Variants in SEPTIN9 observed in about 807,000 individuals in gnomAD.
The protein encoded by SEPTIN9 is septin 9.
Under a neutral mutation model 56.6 loss-of-function variants are expected in SEPTIN9, and 13 were observed. That is an observed-to-expected ratio of 0.23 (90% CI 0.15 to 0.37). The LOEUF is 0.37. Among genes scored for constraint, SEPTIN9 ranks in the 10% least tolerant of loss-of-function variants. The pLI is 1.00. For missense variants in SEPTIN9, 650 were observed against 823.1 expected (o/e 0.79, Z 2.57); for synonymous variants, 332 against 334.1 (o/e 0.99, Z 0.07).
intron 2 of SEPTIN9, chr17:77,373,756 G>A: frequency 3.8e-6 from 4 of 1,052,838 alleles, no homozygotes; most frequent in Non-Finnish European, 5.1e-6. Flanking sequence ...CCCTGTTAGG[G>A]GCACCCGCGT....
At chr17:77,362,022 C>T (rs1024818681) in intron 2 of SEPTIN9, among the ~76,000 whole-genome samples, 4 of 152,204 alleles carry the variant, frequency 2.6e-5, no homozygotes, top group African/African-American at 9.6e-5. Context: ...GTTTCCTACC[C>T]TCAGTGTTGG....
rs766609199 is a variant in SEPTIN9 at position 77,402,417 on chromosome 17, G to A, written c.435G>A (p.Pro145=). ...TGTTGGGCCACAAGACGCCAGAACC[G>A]GCCCCTCGGAGGACGGAGATCACCA... ...AEVLGHKTPE[P]APRRTEITIV... The change falls in exon 3 of 12, where the codon CCG becomes CCA. Residue 145 remains proline, a synonymous_variant. Coordinates refer to ENST00000427177, the MANE Select transcript of SEPTIN9 (RefSeq NM_001113491.2). This position sits in a 1 kb window ranked among gnomAD's most constrained non-coding sequence, Gnocchi z 6.6. The A allele has an allele frequency of 9.3e-6, 15 of 1,610,862 alleles. No homozygotes were observed. The East Asian group carries it at 1.3e-4, about 14-fold the overall frequency.
intron 2 of SEPTIN9, among the ~76,000 whole-genome samples, chr17:77,333,037 G>C (rs73371438): frequency 0.039 from 5,897 of 152,272 alleles, 328 homozygotes; most frequent in East Asian, 0.28. Context: ...GAAACTGCCA[G>C]ATCTTTTCCC....
intron 3 of SEPTIN9, chr17:77,447,178 T>C (rs2037772890): frequency 6.0e-6 from 1 of 167,118 alleles, no homozygotes; most frequent in South Asian, 2.1e-4. Flanking sequence ...ATGAGTTGCT[T>C]ATTGGAAGGA....
intron 2 of SEPTIN9, among the ~76,000 whole-genome samples, chr17:77,398,509 A>C (rs146569181): frequency 1.3e-3 from 193 of 151,882 alleles, no homozygotes; most frequent in African/African-American, 4.6e-3. Flanking sequence ...GAGGAGGAGG[A>C]GGCGGTGGCA....
chr17:77,320,381 C>A, intron 2 of SEPTIN9: 1 of 1,585,580 alleles, frequency 6.3e-7, no homozygotes, highest in Non-Finnish European at 8.7e-7. Flanking sequence ...ATCGGCCGCC[C>A]CCCACTGCCC....
At position 77,313,214 on chromosome 17, in the gene SEPTIN9, G is replaced by A. The variant is rs936244402; in HGVS notation, c.76+6017G>A. 3.3e-5 allele frequency among the ~76,000 whole-genome samples: 5 copies of A among 152,230 alleles called. No individual in the cohort carries two copies. In the South Asian group the frequency reaches 6.2e-4, roughly 19 times the overall value. The stretch of plus-strand genomic sequence containing the variant: ...CCTCCCTCGCTCTGCAGGGGCAGTC[G>A]GGGGCCCCCTCTAGGAATGGAGCGC... On this transcript the variant is annotated intron_variant, in intron 2 of 11. Coordinates refer to ENST00000427177, the MANE Select transcript of SEPTIN9 (RefSeq NM_001113491.2). The surrounding 1 kb of genome is among the most constrained non-coding windows in gnomAD (Gnocchi z 4.5).
intron 3 of SEPTIN9, among the ~76,000 whole-genome samples, chr17:77,411,647 A>C (rs1389396223): frequency 6.6e-6 from 1 of 150,600 alleles, no homozygotes; most frequent in Non-Finnish European, 1.5e-5. Flanking sequence ...AGATCCGCCC[A>C]CCTCGGCCTC....
chr17:77,331,316 A>G (rs1189292748), intron 2 of SEPTIN9, among the ~76,000 whole-genome samples: 1 of 152,168 alleles, frequency 6.6e-6, no homozygotes, highest in African/African-American at 2.4e-5. Context: ...GGAGAGAGGA[A>G]GAGGCTGGGG....
intron 3 of SEPTIN9, among the ~76,000 whole-genome samples, chr17:77,466,023 G>A (rs918170387): frequency 6.7e-6 from 1 of 148,372 alleles, no homozygotes; most frequent in African/African-American, 2.5e-5. Flanking sequence ...AACGTCTTGG[G>A]GAAGCTATAA....
intron 1 of SEPTIN9, among the ~76,000 whole-genome samples, chr17:77,286,631 C>T (rs752461178): frequency 3.9e-4 from 60 of 152,238 alleles, no homozygotes; most frequent in Non-Finnish European, 6.5e-4. Context: ...CTGACACTCT[C>T]CTGCCATCCC....
Position 77,402,215 on chromosome 17 carries a change from T to C in SEPTIN9, c.233T>C (p.Val78Ala), listed in dbSNP as rs778079783. 6 of 1,613,582 alleles carry C rather than the reference T, an allele frequency of 3.7e-6. No homozygotes were observed. Among genetic ancestry groups the C allele is most frequent in the South Asian group, 3.3e-5 (3 of 91,064 alleles). Residue 78 changes from valine to alanine, a missense_variant, in exon 3 of 12, where the codon GTG becomes GCG. Coordinates refer to ENST00000427177, the MANE Select transcript of SEPTIN9 (RefSeq NM_001113491.2). This position sits in a 1 kb window ranked among gnomAD's most constrained non-coding sequence, Gnocchi z 6.6. ...AACTCAGAACCCTCGGCCCGCCATGTGGACTCCCTAAGCCAACGCTCCCCC... is the reference window on the plus strand; with the variant it reads ...AACTCAGAACCCTCGGCCCGCCATGCGGACTCCCTAAGCCAACGCTCCCCC... ...VKNSEPSARHVDSLSQRSPKA... is the reference protein window; with the variant it reads ...VKNSEPSARHADSLSQRSPKA...
At chr17:77,332,832 A>G (rs944838295) in intron 2 of SEPTIN9, among the ~76,000 whole-genome samples, 3 of 152,184 alleles carry the variant, frequency 2.0e-5, no homozygotes, top group Non-Finnish European at 4.4e-5. Context: ...AGTAACGTCC[A>G]CTGTGTGAAC....
chr17:77,444,929 A>G (rs2037679287), intron 3 of SEPTIN9: 1 of 365,098 alleles, frequency 2.7e-6, no homozygotes, highest in African/African-American at 2.1e-5. Context: ...GGTCAAAGGA[A>G]GAGGGTTTGC....
intron 4 of SEPTIN9, among the ~76,000 whole-genome samples, chr17:77,484,983 TGATTGTGATGGTGGTGAAGGG>T (rs2039669829): frequency 1.1e-5 from 1 of 92,572 alleles, no homozygotes. Context: ...GTGATGGTGG[TGATTGTGATGGTGGTGAAGGG>T]GGTGATGGTG....
At position 77,466,288 on chromosome 17, in the gene SEPTIN9, G is replaced by A. The variant is rs189829731; in HGVS notation, c.722-15856G>A. The A allele has an allele frequency of 1.6e-3, 914 of 583,046 alleles. 29 individuals carry two copies. The South Asian group carries it at 0.054, about 34-fold the overall frequency. 36.1% of individuals were successfully genotyped at this position (583,046 alleles called of 1,614,324 possible). On this transcript the variant is annotated intron_variant, in intron 3 of 11. Coordinates refer to ENST00000427177, the MANE Select transcript of SEPTIN9 (RefSeq NM_001113491.2). Reference sequence around the variant, plus strand: ...GCAGCCGAGGAGCCCAGCTGGCTTGGAGGGCCCAGTGGGCGCAGCCTCAGG... The same window carrying A: ...GCAGCCGAGGAGCCCAGCTGGCTTGAAGGGCCCAGTGGGCGCAGCCTCAGG...
At chr17:77,307,349 G>A (rs1391385308) in intron 2 of SEPTIN9, among the ~76,000 whole-genome samples, 152 bp downstream of exon 2, 2 of 152,330 alleles carry the variant, frequency 1.3e-5, no homozygotes, top group East Asian at 1.9e-4. Flanking sequence ...AGTCTTTGAC[G>A]GCTTTGGACT....
chr17:77,333,305 G>A (rs1311569342), intron 2 of SEPTIN9, among the ~76,000 whole-genome samples: 1 of 152,116 alleles, frequency 6.6e-6, no homozygotes, highest in Non-Finnish European at 1.5e-5. Flanking sequence ...TTTAAAATTG[G>A]GTTGCTTGAC....
At chr17:77,283,160 C>CT (rs33965677) in intron 1 of SEPTIN9, among the ~76,000 whole-genome samples, 95,037 of 132,384 alleles carry the variant, frequency 0.72, 35,468 homozygotes, top group Non-Finnish European at 0.82. Flanking sequence ...CACTGGGTTT[C>CT]TTTTTTTTTT....
Sources: gnomAD v4.1 joint callset for allele counts (sites outside exome capture counted in the v4.1 genomes callset) on GRCh38, gnomAD v4.1.1 for gene constraint, Gnocchi (gnomAD v3.1) non-coding constraint, MANE v1.5 for transcripts, NCBI Gene and HGNC (gene_info 2026-07-23, HGNC 2026-07-21) for gene names.